The following CLEC16A variants were observed in gnomAD, a reference collection of about 807,000 sequenced individuals.
The protein encoded by CLEC16A is protein CLEC16A.
In CLEC16A, 51 loss-of-function variants were observed where a neutral mutation model predicts 109.5. That is an observed-to-expected ratio of 0.47 (90% CI 0.37 to 0.59). CLEC16A has a LOEUF of 0.59. Among genes scored for constraint, CLEC16A ranks in the 20% least tolerant of loss-of-function variants. The pLI, the probability that CLEC16A is intolerant of heterozygous loss-of-function variation, is 0.00. For synonymous variants in CLEC16A, 673 were observed against 564.2 expected (o/e 1.19, Z -2.73); for missense variants, 1,339 against 1,394.0 (o/e 0.96, Z 0.63).
At position 11,174,636 on chromosome 16, in the gene CLEC16A, G is replaced by T. The variant is rs980383238; in HGVS notation, c.2807-3699G>T. On this transcript the variant is annotated intron_variant, in intron 23 of 23. Coordinates refer to ENST00000409790, the MANE Select transcript of CLEC16A (RefSeq NM_015226.3). The surrounding 1 kb of genome is among the most constrained non-coding windows in gnomAD (Gnocchi z 4.7). ...AGATGCTCCTGCCAAGTCCCCCAGG[G>T]GTCCCCCCAGTTTAGGCCATGGGGG... is the stretch of plus-strand genomic sequence containing the variant. Among the ~76,000 whole-genome samples, 1 of 152,250 alleles carries T rather than the reference G, an allele frequency of 6.6e-6. No homozygotes were observed. Among genetic ancestry groups the T allele is most frequent in the Non-Finnish European group, 1.5e-5 (1 of 68,044 alleles).
At chr16:11,169,887 T>A (rs875916) in intron 23 of CLEC16A, among the ~76,000 whole-genome samples, 2 of 152,310 alleles carry the variant, frequency 1.3e-5, no homozygotes, top group South Asian at 4.1e-4. Flanking sequence ...AGCCCACCTG[T>A]GCCAGACACC....
At chr16:10,970,002 G>T (rs1413143235) in intron 4 of CLEC16A, among the ~76,000 whole-genome samples, 1 of 152,198 alleles carries the variant, frequency 6.6e-6, no homozygotes, top group Admixed American at 6.5e-5. Flanking sequence ...TTCTTTGGGA[G>T]AATTATTAAA....
intron 19 of CLEC16A, among the ~76,000 whole-genome samples, chr16:11,074,689 C>A (rs182035942): frequency 6.6e-6 from 1 of 152,162 alleles, no homozygotes; most frequent in East Asian, 1.9e-4. Context: ...CACAAGGTCA[C>A]CTAATGACTG....
At chr16:11,042,686 A>G (rs1219469947) in intron 15 of CLEC16A, among the ~76,000 whole-genome samples, 1 of 152,166 alleles carries the variant, frequency 6.6e-6, no homozygotes, top group African/African-American at 2.4e-5. Context: ...CAAACACATC[A>G]ACACACATAC....
rs556287801 is a variant in CLEC16A, at chr16:10,966,631, G to A, written c.344-2530G>A. Among the ~76,000 whole-genome samples the A allele has an allele frequency of 1.4e-4, 21 of 152,300 alleles. No individual in the cohort carries two copies. In the South Asian group the frequency reaches 4.1e-3, roughly 30 times the overall value. On this transcript the variant is annotated intron_variant, in intron 3 of 23. Coordinates refer to ENST00000409790, the MANE Select transcript of CLEC16A (RefSeq NM_015226.3). ...GCTCAGCACTGCTGGGGAGGCCTCA[G>A]GAAACTTACAATCATGGCAGAAGGT...
intron 10 of CLEC16A, among the ~76,000 whole-genome samples, chr16:10,983,934 A>G (rs2043473754): frequency 1.4e-5 from 2 of 147,372 alleles, no homozygotes; most frequent in South Asian, 4.4e-4. Context: ...ACAAATGCTC[A>G]TCTCACTTAT....
At chr16:11,026,580 A>G (rs1490546021) in intron 13 of CLEC16A, among the ~76,000 whole-genome samples, 1 of 117,336 alleles carries the variant, frequency 8.5e-6, no homozygotes, top group African/African-American at 3.3e-5. Flanking sequence ...TATTAATTTT[A>G]TTGCTACCCT....
chr16:11,133,428 A>T (rs1046603023), intron 22 of CLEC16A, among the ~76,000 whole-genome samples: 1 of 151,992 alleles, frequency 6.6e-6, no homozygotes, highest in Admixed American at 6.6e-5. Context: ...AAAGGCACCT[A>T]AACCGGCAGG....
rs1672596672 is a variant in CLEC16A at position 10,961,967 on chromosome 16, TC to T, written c.210-487del. ...TTTGGGAACTTTTTTTTCTTTTTTT[TC>T]TTTTTTTTTTTTTTGGCTCTGTCAC... On this transcript the variant is annotated intron_variant, in intron 2 of 23. Coordinates refer to ENST00000409790, the MANE Select transcript of CLEC16A (RefSeq NM_015226.3). The surrounding 1 kb of genome is among the most constrained non-coding windows in gnomAD (Gnocchi z 4.3). Among the ~76,000 whole-genome samples the T allele has an allele frequency of 1.1e-5, 1 of 89,074 alleles. No homozygotes were observed. Among genetic ancestry groups the T allele is most frequent in the South Asian group, 4.3e-4 (1 of 2,318 alleles). The allele number at this position is 89,074 out of a possible 152,430, so 58.4% of individuals were successfully genotyped here.
chr16:11,130,717 C>G (rs940786675), intron 22 of CLEC16A, among the ~76,000 whole-genome samples: 1 of 152,200 alleles, frequency 6.6e-6, no homozygotes, highest in African/African-American at 2.4e-5. Flanking sequence ...GTGCCCCTCC[C>G]CATAGGCCGC....
intron 19 of CLEC16A, among the ~76,000 whole-genome samples, chr16:11,107,406 A>G (rs981380752): frequency 3.9e-5 from 6 of 152,214 alleles, no homozygotes; most frequent in African/African-American, 1.4e-4. Context: ...AGAAAAAGTA[A>G]TTGATTGCTA....
At chr16:11,150,655 A>G (rs1567394469) in intron 22 of CLEC16A, among the ~76,000 whole-genome samples, 2 of 152,218 alleles carry the variant, frequency 1.3e-5, no homozygotes, top group Non-Finnish European at 1.5e-5. Flanking sequence ...TGACTGCATA[A>G]TAGTCCATTG....
chr16:11,138,713 C>T (rs746202133), intron 22 of CLEC16A, among the ~76,000 whole-genome samples: 1 of 152,220 alleles, frequency 6.6e-6, no homozygotes, highest in Non-Finnish European at 1.5e-5. Context: ...TAAATGACCA[C>T]TGTTTTCACT....
chr16:10,986,140 C>T (rs2043641777), intron 10 of CLEC16A, among the ~76,000 whole-genome samples: 1 of 149,454 alleles, frequency 6.7e-6, no homozygotes, highest in Non-Finnish European at 1.5e-5. Flanking sequence ...ACGCCATTCT[C>T]CTGCCTCAGC....
chr16:10,945,562 C>A (rs1185594561), intron 1 of CLEC16A, among the ~76,000 whole-genome samples: 2 of 152,158 alleles, frequency 1.3e-5, no homozygotes, highest in East Asian at 3.8e-4. Context: ...GCGTTCAAAT[C>A]CTGAAACCAC....
Position 10,944,714 on chromosome 16 carries a change from C to A in CLEC16A, c.-4C>A, listed in dbSNP as rs1485615465. Reference sequence around the variant, plus strand: ...GAGACGAGAGACGGGTCGGGGCCGCCGACATGTTTGGCCGCTCGCGGAGCT... The same window carrying A: ...GAGACGAGAGACGGGTCGGGGCCGCAGACATGTTTGGCCGCTCGCGGAGCT... On this transcript the variant is annotated 5_prime_UTR_variant, in exon 1 of 24. Coordinates refer to ENST00000409790, the MANE Select transcript of CLEC16A (RefSeq NM_015226.3). The A allele has an allele frequency of 5.0e-6, 8 of 1,604,534 alleles. No individual in the cohort carries two copies. The East Asian group carries it at 1.1e-4, about 22-fold the overall frequency.
At chr16:11,100,791 A>G (rs546779724) in intron 19 of CLEC16A, among the ~76,000 whole-genome samples, 2 of 152,348 alleles carry the variant, frequency 1.3e-5, no homozygotes, top group Admixed American at 1.3e-4. Context: ...TAGCATGGGT[A>G]TATGTTTGCA....
At chr16:11,095,638 C>T (rs1218076428) in intron 19 of CLEC16A, among the ~76,000 whole-genome samples, 6 of 151,962 alleles carry the variant, frequency 3.9e-5, no homozygotes, top group African/African-American at 4.8e-5. Context: ...ATGGTAAAAC[C>T]CCATCTCTAC....
intron 19 of CLEC16A, among the ~76,000 whole-genome samples, chr16:11,082,228 G>A (rs1336745222): frequency 1.3e-5 from 2 of 152,232 alleles, no homozygotes; most frequent in East Asian, 1.9e-4. Context: ...ATGTACACCT[G>A]TACACGTGGG....
Sources: gnomAD v4.1 joint callset for allele counts (sites outside exome capture counted in the v4.1 genomes callset) on GRCh38, gnomAD v4.1.1 for gene constraint, Gnocchi (gnomAD v3.1) non-coding constraint, MANE v1.5 for transcripts, NCBI Gene and HGNC (gene_info 2026-07-23, HGNC 2026-07-21) for gene names.